Variants in ANKS3 observed in about 807,000 individuals in gnomAD.
ANKS3 encodes ankyrin repeat and SAM domain-containing protein 3.
A neutral mutation model predicts 80.7 loss-of-function variants in ANKS3; 62 were observed. The ratio of observed to expected loss-of-function variants is 0.77; its 90% CI spans 0.63 to 0.95. The LOEUF is 0.95. Among genes scored for constraint, ANKS3 ranks in the 40% least tolerant of loss-of-function variants. The probability of loss-of-function intolerance (pLI) is 0.00; values close to 1 mark genes in which losing one functional copy is unlikely to be tolerated. For missense variants in ANKS3, 1,150 were observed against 883.6 expected, an observed-to-expected ratio of 1.30 and a Z score of -3.82; for synonymous variants, 489 against 355.3, an observed-to-expected ratio of 1.38 and a Z score of -4.23.
At chr16:4,710,543 T>C (rs2080429073) in intron 7 of ANKS3, among the ~76,000 whole-genome samples, 1 of 152,066 alleles carries the variant, frequency 6.6e-6, no homozygotes, top group Non-Finnish European at 1.5e-5. Context: ...ACCACCTCTC[T>C]ACAAAAAATA....
intron 11 of ANKS3, chr16:4,699,617 GTT>G (rs1439034540): frequency 5.2e-6 from 1 of 193,356 alleles, no homozygotes; most frequent in Non-Finnish European, 1.1e-5. Flanking sequence ...TAAGATCCGT[GTT>G]TCTGATCCAC....
At chr16:4,719,796 T>TA (rs966806390) in intron 6 of ANKS3, among the ~76,000 whole-genome samples, 5 of 151,266 alleles carry the variant, frequency 3.3e-5, no homozygotes, top group Admixed American at 1.3e-4. Context: ...AGACCCTATA[T>TA]AAAAAAAATA....
chr16:4,709,017 G>C (rs908121576), intron 7 of ANKS3, among the ~76,000 whole-genome samples: 1 of 152,006 alleles, frequency 6.6e-6, no homozygotes, highest in African/African-American at 2.4e-5. Flanking sequence ...TATAATCTCA[G>C]CACTGTGGGA....
rs945298089 is a variant in ANKS3, at chr16:4,730,124, C to G, written c.26G>C (p.Ser9Thr). ...GCTGCGGTTCAGGAGTTCCGGCTCG[C>G]TGGCTTCATCGCTGAGCTCGGACAT... is the stretch of plus-strand genomic sequence containing the variant. Reference protein sequence around the residue: MSELSDEASEPELLNRSLS... With the variant: MSELSDEATEPELLNRSLS... The change falls in exon 3 of 18, where the codon AGC becomes ACC. Residue 9 changes from serine to threonine, a missense_variant. Ser to Thr is a moderately conservative substitution (Grantham distance 58). Coordinates refer to ENST00000304283, the MANE Select transcript of ANKS3 (RefSeq NM_133450.4). The G allele has an allele frequency of 1.3e-6, 2 of 1,583,460 alleles. No individual in the cohort carries two copies. The highest frequency in any genetic ancestry group is 1.7e-6 in the Non-Finnish European group (2 of 1,161,508).
At chr16:4,733,089 G>C (rs1191313703) in intron 1 of ANKS3, among the ~76,000 whole-genome samples, 1 of 151,272 alleles carries the variant, frequency 6.6e-6, no homozygotes, top group Non-Finnish European at 1.5e-5. Flanking sequence ...AGGCTGGGAA[G>C]GGTAGTGGAG....
At chr16:4,700,645 G>C (rs1258346064) in intron 11 of ANKS3, 3 of 435,512 alleles carry the variant, frequency 6.9e-6, no homozygotes, top group South Asian at 4.0e-5. Flanking sequence ...TCCTGTCTCT[G>C]CTTCAACCAC....
intron 7 of ANKS3, among the ~76,000 whole-genome samples, chr16:4,711,593 C>T (rs1226520175): frequency 2.0e-5 from 3 of 151,516 alleles, no homozygotes; most frequent in Non-Finnish European, 2.9e-5. Flanking sequence ...TAGCGCATGC[C>T]TGTAATCCCA....
At chr16:4,701,619 C>T (rs1165843847) in intron 9 of ANKS3, 76 bp from the exon 10 acceptor site, 5 of 1,329,178 alleles carry the variant, frequency 3.8e-6, no homozygotes, top group East Asian at 2.5e-5. Context: ...CGGGCTGAGC[C>T]GCCTCCACCA....
At chr16:4,711,718 CAA>C (rs34030042) in intron 7 of ANKS3, among the ~76,000 whole-genome samples, 24 of 56,774 alleles carry the variant, frequency 4.2e-4, no homozygotes, top group Admixed American at 4.7e-4. Flanking sequence ...AACTCTGTCT[CAA>C]AAAAAAAAAA....
intron 7 of ANKS3, among the ~76,000 whole-genome samples, chr16:4,707,772 A>G (rs1320177703): frequency 6.6e-6 from 1 of 152,338 alleles, no homozygotes; most frequent in African/African-American, 2.4e-5. Flanking sequence ...CTGTATACAG[A>G]TAATAGAGAA....
chr16:4,719,364 A>G (rs2080966649), intron 6 of ANKS3, among the ~76,000 whole-genome samples: 1 of 152,174 alleles, frequency 6.6e-6, no homozygotes, highest in Admixed American at 6.5e-5. Flanking sequence ...CAAAAATTAT[A>G]AGAGTACATA....
In ANKS3 at chr16:4,727,160, T is replaced by G; in HGVS notation, c.188A>C (p.Asn63Thr). The change falls in exon 4 of 18, where the codon AAT (asparagine) becomes ACT (threonine). Residue 63 changes from asparagine (N) to threonine (T), a missense_variant. By Grantham distance (65) the Asn-to-Thr change is moderately conservative (BLOSUM62 0). Coordinates refer to ENST00000304283, the MANE Select transcript of ANKS3 (RefSeq NM_133450.4). ...ECVQRRELDL[N>T]KKNGGGWTPL... ...GGTCCAGCCACCACCATTCTTCTTATTCAAATCTAACTCTCTCCTAAACAA... is the reference window on the plus strand; with the variant it reads ...GGTCCAGCCACCACCATTCTTCTTAGTCAAATCTAACTCTCTCCTAAACAA... The G allele has an allele frequency of 1.9e-6, 3 of 1,614,160 alleles. No homozygotes were observed. Among genetic ancestry groups the G allele is most frequent in the Non-Finnish European group, 2.5e-6 (3 of 1,180,046 alleles).
In ANKS3 at chr16:4,731,724, C is replaced by T. The variant is rs147183713; in HGVS notation, c.-70-145G>A. 5.0e-3 allele frequency: 1,237 copies of T among 249,754 alleles called. 23 individuals are homozygous for T. Among genetic ancestry groups the T allele is most frequent in the African/African-American group, 0.026 (1,135 of 43,246 alleles). The allele number at this position is 249,754 out of a possible 1,614,324, so 15.5% of individuals were successfully genotyped here. A position where few individuals can be genotyped will look rare whatever the true frequency, so the allele number is the denominator to read the frequency against. On this transcript the variant is annotated intron_variant, in intron 1 of 17. Coordinates refer to ENST00000304283, the MANE Select transcript of ANKS3 (RefSeq NM_133450.4). Reference sequence around the variant, plus strand: ...GATGTGACTGGTGGCACGCAGCAACCGTCAACTGAATAGGAATCCACTTAG... The same window carrying T: ...GATGTGACTGGTGGCACGCAGCAACTGTCAACTGAATAGGAATCCACTTAG...
At position 4,698,562 on chromosome 16, in the gene ANKS3, C is replaced by A; in HGVS notation, c.1589G>T (p.Cys530Phe). 6.3e-7 allele frequency: 1 copy of A among 1,581,730 alleles called. No individual in the cohort carries two copies. The highest frequency in any genetic ancestry group is 1.1e-5 in the South Asian group (1 of 89,070). ...EEVEATRGQV[C>F]QEQELRAVVE... ...CACGGCGCGCAGCTCCTGCTCCTGA[C>A]ACACCTGGCCCCGCGTGGCCTCTAC... The change falls in exon 14 of 18, where the codon TGT becomes TTT. Residue 530 changes from cysteine (C) to phenylalanine (F), a missense_variant. Cys to Phe is a radical substitution (Grantham distance 205). Coordinates refer to ENST00000304283, the MANE Select transcript of ANKS3 (RefSeq NM_133450.4).
intron 7 of ANKS3, among the ~76,000 whole-genome samples, chr16:4,710,382 T>G (rs1053445085): frequency 2.0e-5 from 3 of 152,184 alleles, no homozygotes; most frequent in Non-Finnish European, 4.4e-5. Context: ...CCCATAAATA[T>G]GTAGTTATTT....
At chr16:4,732,165 G>A (rs1286178927) in intron 1 of ANKS3, among the ~76,000 whole-genome samples, 1 of 151,996 alleles carries the variant, frequency 6.6e-6, no homozygotes, top group African/African-American at 2.4e-5. Context: ...CTCCTTCCTG[G>A]AGCCACCACC....
At chr16:4,718,950 A>T (rs1003929279) in intron 6 of ANKS3, among the ~76,000 whole-genome samples, 1 of 152,244 alleles carries the variant, frequency 6.6e-6, no homozygotes, top group Non-Finnish European at 1.5e-5. Flanking sequence ...ATTTACATTT[A>T]AATGATTCAG....
chr16:4,703,139 G>A (rs1437847939), intron 8 of ANKS3, among the ~76,000 whole-genome samples: 1 of 152,178 alleles, frequency 6.6e-6, no homozygotes, highest in Non-Finnish European at 1.5e-5. Context: ...TTGAGACAGG[G>A]TCTTGCTGTG....
chr16:4,705,749 C>T (rs1172280154), intron 7 of ANKS3, among the ~76,000 whole-genome samples: 1 of 152,140 alleles, frequency 6.6e-6, no homozygotes, highest in Non-Finnish European at 1.5e-5. Context: ...CATGAGCCAC[C>T]ATGCCCAGCC....
Sources: allele counts gnomAD v4.1 joint callset (sites outside exome capture counted in the v4.1 genomes callset), GRCh38; gene constraint gnomAD v4.1.1; transcripts MANE v1.5; gene names NCBI Gene and HGNC (gene_info 2026-07-23, HGNC 2026-07-21).